WWOX: variants seen among roughly 807,000 people sequenced by gnomAD.
WWOX encodes the protein WW domain containing oxidoreductase, also known as WW domain-containing oxidoreductase.
Under a neutral mutation model 46.2 loss-of-function variants are expected in WWOX, and 69 were observed. The ratio of observed to expected loss-of-function variants is 1.49; its 90% CI spans 1.23 to 1.82. The LOEUF is 1.82. WWOX is among the 40% of genes most tolerant of loss of function. The probability of loss-of-function intolerance (pLI) is 0.00; values close to 1 mark genes in which losing one functional copy is unlikely to be tolerated. For synonymous variants in WWOX, 359 were observed against 202.6 expected (o/e 1.77, Z -6.56); for missense variants, 919 against 542.6 (o/e 1.69, Z -6.89).
At chr16:78,508,879 T>A (rs985521632) in intron 8 of WWOX, among the ~76,000 whole-genome samples, 1 of 152,220 alleles carries the variant, frequency 6.6e-6, no homozygotes, top group Non-Finnish European at 1.5e-5. Context: ...CCAACTCTTT[T>A]CAGGAATGCA....
In WWOX at chr16:78,338,633, T is replaced by A. The variant is rs2080946355; in HGVS notation, c.517-48227T>A. On this transcript the variant is annotated intron_variant, in intron 5 of 8. Transcript: ENST00000566780. The stretch of plus-strand genomic sequence containing the variant: ...CGGAGTTAGAGATAGGAAAATACCA[T>A]AATCTGCTATAAATTCAGTTGAAAA... 1.7e-5 allele frequency among the ~76,000 whole-genome samples: 2 copies of A among 121,048 alleles called. 1 individual carries two copies. Among genetic ancestry groups the A allele is most frequent in the Admixed American group, 1.6e-4 (2 of 12,406 alleles). 79.4% of individuals were successfully genotyped at this position (121,048 alleles called of 152,430 possible). A position where few individuals can be genotyped will look rare whatever the true frequency, so the allele number is the denominator to read the frequency against.
At chr16:78,684,742 C>A (rs1203223850) in intron 8 of WWOX, among the ~76,000 whole-genome samples, 1 of 152,150 alleles carries the variant, frequency 6.6e-6, no homozygotes, top group East Asian at 1.9e-4. Context: ...TAGTGGGACG[C>A]ATCATACTGA....
intron 4 of WWOX, among the ~76,000 whole-genome samples, chr16:78,141,768 G>A (rs2033996363): frequency 6.6e-6 from 1 of 151,894 alleles, no homozygotes; most frequent in Non-Finnish European, 1.5e-5. Context: ...TTTTTGGATA[G>A]AAATTTATCA....
At chr16:78,605,740 C>T (rs1025384623) in intron 8 of WWOX, among the ~76,000 whole-genome samples, 4 of 152,168 alleles carry the variant, frequency 2.6e-5, no homozygotes, top group South Asian at 2.1e-4. Context: ...AGCCAGTTAT[C>T]TTTGCCCTTC....
chr16:78,724,368 C>G (rs2048774027), intron 8 of WWOX, among the ~76,000 whole-genome samples: 1 of 152,118 alleles, frequency 6.6e-6, no homozygotes, highest in Non-Finnish European at 1.5e-5. Flanking sequence ...AGCAACAACT[C>G]CTAAAATATT....
At chr16:78,202,894 T>G (rs1383971428) in intron 5 of WWOX, among the ~76,000 whole-genome samples, 2 of 150,786 alleles carry the variant, frequency 1.3e-5, no homozygotes, top group Non-Finnish European at 2.9e-5. Context: ...GGTGAATAAA[T>G]GAGCAATTAT....
chr16:78,750,457 G>A (rs2049448547), intron 8 of WWOX, among the ~76,000 whole-genome samples: 1 of 152,168 alleles, frequency 6.6e-6, no homozygotes, highest in Non-Finnish European at 1.5e-5. Context: ...TTTATCATGT[G>A]TAAGTAAACT....
At chr16:78,419,493 A>G (rs1461574081) in intron 6 of WWOX, among the ~76,000 whole-genome samples, 1 of 152,038 alleles carries the variant, frequency 6.6e-6, no homozygotes. Context: ...GCATATTGTG[A>G]ATTGATTTTC....
chr16:78,823,417 G>A (rs112823764), intron 8 of WWOX, among the ~76,000 whole-genome samples: 39 of 152,276 alleles, frequency 2.6e-4, no homozygotes, highest in African/African-American at 8.7e-4. Flanking sequence ...GCTTCCTAAA[G>A]CAGAAAAATG....
chr16:78,773,440 G>A (rs549835664), intron 8 of WWOX, among the ~76,000 whole-genome samples: 16 of 152,148 alleles, frequency 1.1e-4, no homozygotes, highest in Non-Finnish European at 1.9e-4. Flanking sequence ...GGCTCCCCTC[G>A]GGACATTCCT....
intron 8 of WWOX, among the ~76,000 whole-genome samples, chr16:78,682,964 A>G (rs9923705): frequency 2.8e-4 from 42 of 152,010 alleles, no homozygotes; most frequent in African/African-American, 8.7e-4. Flanking sequence ...TAAATGAATG[A>G]TTCTGTGAGG....
intron 8 of WWOX, among the ~76,000 whole-genome samples, chr16:78,801,659 T>A (rs1054307153): frequency 6.6e-6 from 1 of 152,330 alleles, no homozygotes; most frequent in East Asian, 1.9e-4. Flanking sequence ...TGAATGAAGT[T>A]ATCCACAGAG....
chr16:78,923,215 A>T (rs2045420148), intron 8 of WWOX, among the ~76,000 whole-genome samples: 2 of 152,102 alleles, frequency 1.3e-5, no homozygotes. Context: ...TCCCAACCTC[A>T]GGTGATCTGC....
At chr16:78,935,891 G>A (rs2045727038) in intron 8 of WWOX, among the ~76,000 whole-genome samples, 1 of 152,000 alleles carries the variant, frequency 6.6e-6, no homozygotes, top group African/African-American at 2.4e-5. Flanking sequence ...CGGCCTGGGT[G>A]ACAGAGTGAG....
chr16:78,269,498 A>G (rs1261346329), intron 5 of WWOX, among the ~76,000 whole-genome samples: 1 of 152,176 alleles, frequency 6.6e-6, no homozygotes, highest in Non-Finnish European at 1.5e-5. Flanking sequence ...ACAGTGAGTT[A>G]TGACACAGGG....
At chr16:78,102,590 G>T (rs938880760) in intron 1 of WWOX, among the ~76,000 whole-genome samples, 1 of 152,214 alleles carries the variant, frequency 6.6e-6, no homozygotes, top group Non-Finnish European at 1.5e-5. Context: ...TTGGGGAAAG[G>T]CTCCTTCTCA....
At position 78,142,288 on chromosome 16, in the gene WWOX, T is replaced by C. The variant is rs567914885; in HGVS notation, c.410-21895T>C. Among the ~76,000 whole-genome samples, 4 of 152,284 alleles carry C rather than the reference T, an allele frequency of 2.6e-5. No homozygotes were observed. The South Asian group carries it at 8.3e-4, about 32-fold the overall frequency. On this transcript the variant is annotated intron_variant, in intron 4 of 8. Coordinates refer to ENST00000566780, the MANE Select transcript of WWOX (RefSeq NM_016373.4). ...GTTACTGCCTCTGTGGAAATAGAAA[T>C]TACCCACCTATTATGTAATGAAAAA...
At chr16:78,772,806 C>G (rs906672463) in intron 8 of WWOX, among the ~76,000 whole-genome samples, 2 of 152,086 alleles carry the variant, frequency 1.3e-5, no homozygotes, top group African/African-American at 4.8e-5. Context: ...ATTGCTTGAG[C>G]TCAGAAGTTT....
At chr16:78,106,617 T>C (rs568869882) in intron 1 of WWOX, among the ~76,000 whole-genome samples, 2 of 152,116 alleles carry the variant, frequency 1.3e-5, no homozygotes, top group Non-Finnish European at 2.9e-5. Flanking sequence ...GGTTTCTCCA[T>C]GTTGTTCAGG....
Sources: gnomAD v4.1 joint callset for allele counts (sites outside exome capture counted in the v4.1 genomes callset) on GRCh38, gnomAD v4.1.1 for gene constraint, MANE v1.5 for transcripts, NCBI Gene and HGNC (gene_info 2026-07-23, HGNC 2026-07-21) for gene names.